Variants in RGS7 observed in about 807,000 individuals in gnomAD.
The protein encoded by RGS7 is regulator of G protein signaling 7, also known as regulator of G-protein signaling 7.
A neutral mutation model predicts 81.1 loss-of-function variants in RGS7; 27 were observed. The ratio of observed to expected loss-of-function variants is 0.33; its 90% CI spans 0.25 to 0.46. The LOEUF is 0.46. RGS7 is among the 20% of genes least tolerant of loss of function. The probability of loss-of-function intolerance (pLI) is 1.00; values close to 1 mark genes in which losing one functional copy is unlikely to be tolerated. For missense variants in RGS7, 396 were observed against 607.4 expected (o/e 0.65, Z 3.66); for synonymous variants, 208 against 207.7 (o/e 1.00, Z -0.01).
At position 241,065,580 on chromosome 1, in the gene RGS7, T is replaced by A. The variant is rs548681678; in HGVS notation, c.175+33086A>T. On this transcript the variant is annotated intron_variant, in intron 3 of 18. Coordinates refer to ENST00000440928, the MANE Select transcript of RGS7 (RefSeq NM_001364886.1). ...AATGGGAGTTATTTAAACCACCATATTTCTTTTCAGCTTAAATTATCAGAA... is the reference window on the plus strand; with the variant it reads ...AATGGGAGTTATTTAAACCACCATAATTCTTTTCAGCTTAAATTATCAGAA... 3.7e-4 allele frequency among the ~76,000 whole-genome samples: 56 copies of A among 152,368 alleles called. No homozygotes were observed. The South Asian group carries it at 9.9e-3, about 27-fold the overall frequency.
chr1:240,918,805 A>G (rs1053967499), intron 6 of RGS7, among the ~76,000 whole-genome samples: 1 of 151,998 alleles, frequency 6.6e-6, no homozygotes, highest in Admixed American at 6.6e-5. Context: ...TGGGTGCTTA[A>G]AACAATTAAT....
intron 2 of RGS7, among the ~76,000 whole-genome samples, chr1:241,241,553 T>G (rs1431740642): frequency 6.6e-6 from 1 of 152,084 alleles, no homozygotes; most frequent in Non-Finnish European, 1.5e-5. Context: ...GACCTTCACC[T>G]TCTGCCTCCT....
intron 3 of RGS7, among the ~76,000 whole-genome samples, chr1:241,032,192 T>C (rs1355458453): frequency 6.6e-6 from 1 of 152,188 alleles, no homozygotes; most frequent in Non-Finnish European, 1.5e-5. Flanking sequence ...CCTCTTGCAT[T>C]TGGCAACCAA....
chr1:241,060,598 C>T (rs987346669), intron 3 of RGS7, among the ~76,000 whole-genome samples: 1 of 152,182 alleles, frequency 6.6e-6, no homozygotes, highest in African/African-American at 2.4e-5. Context: ...TCTTGATTTT[C>T]TACCAGGGTT....
At chr1:240,973,251 G>A (rs1312744297) in intron 4 of RGS7, among the ~76,000 whole-genome samples, 3 of 152,166 alleles carry the variant, frequency 2.0e-5, no homozygotes, top group African/African-American at 7.2e-5. Flanking sequence ...TGGGGGCCAT[G>A]GCTCACGCCT....
chr1:241,227,570 C>CAAA (rs5782179), intron 2 of RGS7, among the ~76,000 whole-genome samples: 1,515 of 103,706 alleles, frequency 0.015, 57 homozygotes, highest in African/African-American at 0.051. Flanking sequence ...CTGTCTCTAC[C>CAAA]AAAAAAAAAA....
chr1:240,876,991 A>G (rs16840923), intron 6 of RGS7, among the ~76,000 whole-genome samples: 22,687 of 152,038 alleles, frequency 0.15, 2,209 homozygotes, highest in African/African-American at 0.28. Flanking sequence ...ATTCATGGCC[A>G]TAATTCTAGG....
At chr1:241,300,178 G>A (rs752142127) in intron 2 of RGS7, among the ~76,000 whole-genome samples, 1 of 151,888 alleles carries the variant, frequency 6.6e-6, no homozygotes. Context: ...GGAAAGTACA[G>A]TTTCCATATA....
intron 3 of RGS7, among the ~76,000 whole-genome samples, chr1:241,043,698 C>G (rs1161097275): frequency 6.7e-6 from 1 of 148,342 alleles, no homozygotes; most frequent in Non-Finnish European, 1.5e-5. Flanking sequence ...TGAGAAAAAG[C>G]AAAAAACAAG....
intron 10 of RGS7, among the ~76,000 whole-genome samples, chr1:240,821,149 T>C (rs1044147610): frequency 5.3e-5 from 8 of 152,120 alleles, no homozygotes; most frequent in Non-Finnish European, 7.3e-5. Flanking sequence ...TTTCAGACCA[T>C]GAATCAGAAA....
At chr1:241,041,896 A>G (rs923126614) in intron 3 of RGS7, among the ~76,000 whole-genome samples, 2 of 152,104 alleles carry the variant, frequency 1.3e-5, no homozygotes, top group African/African-American at 2.4e-5. Context: ...TTGGGGGCAC[A>G]TCTTATTTGT....
At chr1:241,258,483 C>A (rs2077152369) in intron 2 of RGS7, among the ~76,000 whole-genome samples, 1 of 152,142 alleles carries the variant, frequency 6.6e-6, no homozygotes. Context: ...TTATTGGGAG[C>A]TACATCAAGC....
At chr1:240,801,610 T>TTTTTCCAATTTCCC in intron 16 of RGS7, 102 bp from the exon 17 acceptor site, 1 of 817,668 alleles carries the variant, frequency 1.2e-6, no homozygotes, top group Non-Finnish European at 2.1e-6. Flanking sequence ...GATAATGAAA[T>TTTTTCCAATTTCCC]GATGCAACAC....
At chr1:240,875,639 A>C (rs1223707067) in intron 6 of RGS7, among the ~76,000 whole-genome samples, 1 of 152,184 alleles carries the variant, frequency 6.6e-6, no homozygotes, top group East Asian at 1.9e-4. Context: ...ACTAATTTAC[A>C]TTCCCACCAG....
intron 18 of RGS7, among the ~76,000 whole-genome samples, chr1:240,782,411 G>A (rs979442671): frequency 6.6e-6 from 1 of 152,018 alleles, no homozygotes; most frequent in African/African-American, 2.4e-5. Flanking sequence ...TCTGAGAAAT[G>A]GTTTTTAAAA....
At chr1:240,890,894 G>A (rs1177672558) in intron 6 of RGS7, among the ~76,000 whole-genome samples, 1 of 152,120 alleles carries the variant, frequency 6.6e-6, no homozygotes, top group Non-Finnish European at 1.5e-5. Flanking sequence ...ATGTAGCTTG[G>A]AGAGCAGTTT....
At chr1:240,996,823 T>C (rs1687363669) in intron 3 of RGS7, among the ~76,000 whole-genome samples, 1 of 152,230 alleles carries the variant, frequency 6.6e-6, no homozygotes, top group Admixed American at 6.5e-5. Flanking sequence ...TATGTGATGG[T>C]ATATTTAATG....
Position 240,814,126 on chromosome 1 carries a change from C to T in RGS7, c.846-398G>A, listed in dbSNP as rs1022666799. 9.2e-5 allele frequency among the ~76,000 whole-genome samples: 14 copies of T among 152,132 alleles called. No individual in the cohort carries two copies. The East Asian group carries it at 1.4e-3, about 15-fold the overall frequency. On this transcript the variant is annotated intron_variant, in intron 12 of 18. Transcript: ENST00000440928. ...AGGGAAATTTTGTCAAAAGTATTTA[C>T]AGGAATTAAGTAAAATGGGAGCCAC...
chr1:240,878,797 A>G (rs1462265563), intron 6 of RGS7, among the ~76,000 whole-genome samples: 1 of 152,090 alleles, frequency 6.6e-6, no homozygotes, highest in Non-Finnish European at 1.5e-5. Context: ...AACATTACTG[A>G]GATTTACCCA....
Sources: gnomAD v4.1 joint callset for allele counts (sites outside exome capture counted in the v4.1 genomes callset) on GRCh38, gnomAD v4.1.1 for gene constraint, MANE v1.5 for transcripts, NCBI Gene and HGNC (gene_info 2026-07-23, HGNC 2026-07-21) for gene names.